The following CNTN5 variants were observed in gnomAD, a reference collection of about 807,000 sequenced individuals.
The protein encoded by CNTN5 is contactin 5.
In CNTN5, 77 loss-of-function variants were observed where a neutral mutation model predicts 129.1. The observed-to-expected ratio is 0.60, with a 90% CI of 0.50 to 0.72. The LOEUF (loss-of-function observed/expected upper bound fraction) is 0.72, where lower values mean the gene tolerates loss of function less well. Among genes scored for constraint, CNTN5 ranks in the 30% least tolerant of loss-of-function variants. The pLI, the probability that CNTN5 is intolerant of heterozygous loss-of-function variation, is 0.00. For missense variants in CNTN5, 1,478 were observed against 1,328.8 expected (o/e 1.11, Z -1.75); for synonymous variants, 509 against 465.6 (o/e 1.09, Z -1.20).
At chr11:99,298,377 T>C (rs1864477382) in intron 1 of CNTN5, among the ~76,000 whole-genome samples, 1 of 152,144 alleles carries the variant, frequency 6.6e-6, no homozygotes, top group African/African-American at 2.4e-5. Flanking sequence ...ACAGCTTGGC[T>C]TTTGCCTTAT....
intron 2 of CNTN5, among the ~76,000 whole-genome samples, chr11:99,517,884 T>TA (rs998288688): frequency 2.0e-5 from 3 of 152,116 alleles, no homozygotes; most frequent in African/African-American, 7.2e-5. Context: ...CAATGTTATA[T>TA]TTTGTGTGCA....
rs1044124893 is a variant in CNTN5, at chr11:100,355,754, A to C, written c.3200-363A>C. Among the ~76,000 whole-genome samples the C allele has an allele frequency of 5.3e-5, 8 of 151,708 alleles. No individual in the cohort carries two copies. In the Admixed American group the frequency reaches 5.3e-4, roughly 10 times the overall value. ...ATGCAGCTCATGACTGTAAATTATG[A>C]ATTCATATTGCCACAAATTTTGTAA... On this transcript the variant is annotated intron_variant, in intron 24 of 24. Coordinates refer to ENST00000524871, the MANE Select transcript of CNTN5 (RefSeq NM_014361.4).
chr11:99,634,206 C>T (rs533896606), intron 3 of CNTN5, among the ~76,000 whole-genome samples: 8 of 152,164 alleles, frequency 5.3e-5, no homozygotes, highest in African/African-American at 1.2e-4. Context: ...ACCTGATTAA[C>T]GTCTACACTT....
At chr11:99,653,043 G>T (rs1185032605) in intron 3 of CNTN5, among the ~76,000 whole-genome samples, 1 of 151,772 alleles carries the variant, frequency 6.6e-6, no homozygotes, top group African/African-American at 2.4e-5. Context: ...GAAAGACAAA[G>T]AAAAAACAAT....
intron 1 of CNTN5, among the ~76,000 whole-genome samples, chr11:99,090,818 G>A (rs973946761): frequency 2.6e-5 from 4 of 151,062 alleles, no homozygotes; most frequent in Non-Finnish European, 4.4e-5. Context: ...GTCAGGAGAT[G>A]GAGACCATCC....
At position 99,316,850 on chromosome 11, in the gene CNTN5, A is replaced by G. The variant is rs1004532517; in HGVS notation, c.-209-8496A>G. Among the ~76,000 whole-genome samples, 9 of 152,304 alleles carry G rather than the reference A, an allele frequency of 5.9e-5. No homozygotes were observed. In the East Asian group the frequency reaches 1.7e-3, roughly 29 times the overall value. On this transcript the variant is annotated intron_variant, in intron 1 of 24. Coordinates refer to ENST00000524871, the MANE Select transcript of CNTN5 (RefSeq NM_014361.4). ...AGAAGTCCAGCTCCGAGCCGTGTAT[A>G]AAGAAATGATCGCGGGCTCTGGCTG...
At chr11:99,117,522 T>A (rs540915615) in intron 1 of CNTN5, among the ~76,000 whole-genome samples, 3 of 152,310 alleles carry the variant, frequency 2.0e-5, no homozygotes, top group South Asian at 2.1e-4. Context: ...GTCCATGGTG[T>A]TACATAAATA....
intron 1 of CNTN5, among the ~76,000 whole-genome samples, chr11:99,214,812 C>T (rs1239470096): frequency 1.3e-5 from 2 of 152,096 alleles, no homozygotes; most frequent in African/African-American, 2.4e-5. Context: ...ATACCATAAA[C>T]TTTCATCATC....
intron 2 of CNTN5, among the ~76,000 whole-genome samples, chr11:99,538,386 A>G (rs999369896): frequency 4.6e-5 from 7 of 152,112 alleles, no homozygotes; most frequent in African/African-American, 9.7e-5. Flanking sequence ...ATCCACTTCA[A>G]TGTGTTAGCA....
chr11:99,810,857 G>C (rs536784696), intron 3 of CNTN5, among the ~76,000 whole-genome samples: 2 of 151,992 alleles, frequency 1.3e-5, no homozygotes, highest in Non-Finnish European at 2.9e-5. Flanking sequence ...CACACTGCAG[G>C]CTTGGATATT....
intron 13 of CNTN5, among the ~76,000 whole-genome samples, chr11:100,137,481 C>G (rs1946564378): frequency 1.3e-5 from 2 of 152,084 alleles, no homozygotes; most frequent in Admixed American, 1.3e-4. Flanking sequence ...TAAATAAATT[C>G]TAATTTAAAT....
At chr11:99,502,067 C>T (rs1946445441) in intron 2 of CNTN5, among the ~76,000 whole-genome samples, 1 of 152,144 alleles carries the variant, frequency 6.6e-6, no homozygotes, top group East Asian at 1.9e-4. Context: ...ATCTAATCTT[C>T]GGCCTCATAA....
chr11:99,037,013 CAT>C lies in CNTN5; in HGVS notation c.-210+15745_-210+15746del, dbSNP rs150221188. Among the ~76,000 whole-genome samples, 1,487 of 152,242 alleles carry C rather than the reference CAT, an allele frequency of 9.8e-3. 23 individuals carry two copies. Among genetic ancestry groups the C allele is most frequent in the African/African-American group, 0.034 (1,406 of 41,554 alleles). ...GAAATAAAATGCATATCTGTGAAAACATAGAGATGTTTGTACAAATACCATTG... is the reference window on the plus strand; with the variant it reads ...GAAATAAAATGCATATCTGTGAAAACAGAGATGTTTGTACAAATACCATTG... On this transcript the variant is annotated intron_variant, in intron 1 of 24. Transcript: ENST00000524871.
intron 3 of CNTN5, among the ~76,000 whole-genome samples, chr11:99,817,781 A>G (rs576783582): frequency 2.0e-5 from 3 of 152,064 alleles, no homozygotes; most frequent in East Asian, 3.9e-4. Flanking sequence ...ATTTAATTCC[A>G]TGTTTTAAAG....
chr11:99,531,769 C>T (rs534671901), intron 2 of CNTN5, among the ~76,000 whole-genome samples: 3 of 152,126 alleles, frequency 2.0e-5, no homozygotes, highest in Admixed American at 6.5e-5. Context: ...ATTGAGCGTT[C>T]GAGTGCACAG....
At chr11:100,141,897 G>A (rs551760939) in intron 13 of CNTN5, among the ~76,000 whole-genome samples, 9 of 152,248 alleles carry the variant, frequency 5.9e-5, no homozygotes, top group Non-Finnish European at 1.2e-4. Flanking sequence ...GTGTTTCTGG[G>A]AGAGATTTGT....
chr11:99,205,759 A>G (rs1859448181), intron 1 of CNTN5, among the ~76,000 whole-genome samples: 1 of 152,204 alleles, frequency 6.6e-6, no homozygotes, highest in Non-Finnish European at 1.5e-5. Flanking sequence ...GTATATCTAT[A>G]TCAAAAAATT....
intron 8 of CNTN5, among the ~76,000 whole-genome samples, chr11:99,977,719 T>A (rs1938080409): frequency 6.6e-6 from 1 of 152,128 alleles, no homozygotes. Context: ...ATGATCTAGT[T>A]ACCTCTCATG....
chr11:100,042,227 CTTTT>C (rs536805150), intron 9 of CNTN5, among the ~76,000 whole-genome samples: 1 of 140,610 alleles, frequency 7.1e-6, no homozygotes, highest in African/African-American at 2.6e-5. Flanking sequence ...TGTTCTCTCT[CTTTT>C]TTTTTTTTGA....
Sources: allele counts gnomAD v4.1 joint callset (sites outside exome capture counted in the v4.1 genomes callset), GRCh38; gene constraint gnomAD v4.1.1; transcripts MANE v1.5; gene names NCBI Gene and HGNC (gene_info 2026-07-23, HGNC 2026-07-21).